Variants in COL14A1 observed in about 807,000 individuals in gnomAD.
The protein encoded by COL14A1 is collagen type XIV alpha 1 chain, also known as collagen alpha-1(XIV) chain.
Under a neutral mutation model 230.3 loss-of-function variants are expected in COL14A1, and 136 were observed. The observed-to-expected ratio is 0.59, with a 90% CI of 0.51 to 0.68. COL14A1 has a LOEUF of 0.68. COL14A1 is among the 30% of genes least tolerant of loss of function. The probability of loss-of-function intolerance (pLI) is 0.00; values close to 1 mark genes in which losing one functional copy is unlikely to be tolerated. For missense variants in COL14A1, 1,976 were observed against 2,215.8 expected (o/e 0.89, Z 2.17); for synonymous variants, 792 against 784.1 (o/e 1.01, Z -0.17).
intron 45 of COL14A1, among the ~76,000 whole-genome samples, chr8:120,362,140 G>A (rs1411484523): frequency 6.6e-6 from 1 of 152,210 alleles, no homozygotes; most frequent in African/African-American, 2.4e-5. Flanking sequence ...GGATGGAGAG[G>A]CAGGGAGTGC....
At chr8:120,307,853 G>C (rs1414271123) in intron 36 of COL14A1, among the ~76,000 whole-genome samples, 1 of 152,148 alleles carries the variant, frequency 6.6e-6, no homozygotes, top group African/African-American at 2.4e-5. Context: ...AGTACAATAT[G>C]ATAATATATC....
intron 34 of COL14A1, among the ~76,000 whole-genome samples, chr8:120,294,344 T>C (rs1445760125): frequency 2.0e-5 from 3 of 151,518 alleles, no homozygotes; most frequent in African/African-American, 7.3e-5. Context: ...TGTCTAACAA[T>C]GAAAAATGAG....
At chr8:120,347,903 C>A (rs1348969092) in intron 45 of COL14A1, among the ~76,000 whole-genome samples, 2 of 151,880 alleles carry the variant, frequency 1.3e-5, no homozygotes, top group African/African-American at 4.8e-5. Flanking sequence ...TAATGAACTA[C>A]AAAAGCAAGA....
rs1192796346 is a variant in COL14A1 at position 120,281,065 on chromosome 8, T to A, written c.3824+6T>A. The A allele has an allele frequency of 7.5e-6, 12 of 1,597,676 alleles. No individual in the cohort carries two copies. The highest frequency in any genetic ancestry group is 6.0e-6 in the Non-Finnish European group (7 of 1,175,246). On this transcript the variant is annotated splice_donor_region_variant and intron_variant, in intron 31 of 47. Coordinates refer to ENST00000297848, the MANE Select transcript of COL14A1 (RefSeq NM_021110.4). ...CTGGTTTCCCAGCCAACCAGGTATG[T>A]TTCTGTTGAAAGATTTTAAAGTCAT...
At chr8:120,361,552 C>T (rs2043091142) in intron 45 of COL14A1, among the ~76,000 whole-genome samples, 1 of 152,210 alleles carries the variant, frequency 6.6e-6, no homozygotes, top group South Asian at 2.1e-4. Context: ...GGCATTCACA[C>T]AAACATTGAG....
intron 47 of COL14A1, chr8:120,370,460 G>T: frequency 6.4e-7 from 1 of 1,554,738 alleles, no homozygotes; most frequent in Non-Finnish European, 8.7e-7. Context: ...CCAAGCCCCT[G>T]CCCCTAACAA....
intron 4 of COL14A1, 105 bp downstream of exon 4, chr8:120,162,674 T>C (rs1815722874): frequency 4.0e-6 from 4 of 1,009,282 alleles, no homozygotes; most frequent in Non-Finnish European, 5.5e-6. Context: ...ATTTTTCAGA[T>C]TTATAGAGAT....
chr8:120,355,704 A>T (rs919845695), intron 45 of COL14A1, among the ~76,000 whole-genome samples: 6 of 152,026 alleles, frequency 3.9e-5, no homozygotes, highest in Non-Finnish European at 7.4e-5. Context: ...TACAGGCATG[A>T]TCCACCGCAC....
intron 19 of COL14A1, among the ~76,000 whole-genome samples, chr8:120,237,248 ATCAAACGCAGATTTGG>A (rs1308034544): frequency 6.6e-6 from 1 of 152,194 alleles, no homozygotes; most frequent in Non-Finnish European, 1.5e-5. Context: ...AGGTATACCA[ATCAAACGCAGATTTGG>A]TCTTTTCACA....
At position 120,225,150 on chromosome 8, in the gene COL14A1, T is replaced by C. The variant is rs1818055618; in HGVS notation, c.1800T>C (p.Thr600=). The C allele has an allele frequency of 1.2e-6, 2 of 1,612,998 alleles. No individual in the cohort carries two copies. Among genetic ancestry groups the C allele is most frequent in the African/African-American group, 1.3e-5 (1 of 75,014 alleles). The change falls in exon 15 of 48, where the codon ACT becomes ACC. Residue 600 remains threonine, a synonymous_variant. Transcript: ENST00000297848. The part of the protein sequence containing the change: ...LKGLTPLTEY[T]IAIFSIYDEG... ...GCTTGACACCTCTCACAGAGTATAC[T>C]ATTGCTATTTTCTCCATCTATGATG...
chr8:120,156,889 C>T (rs1245011572), intron 2 of COL14A1, among the ~76,000 whole-genome samples: 1 of 152,186 alleles, frequency 6.6e-6, no homozygotes, highest in East Asian at 1.9e-4. Flanking sequence ...CATGTTATAC[C>T]CCATGCCTAT....
intron 26 of COL14A1, among the ~76,000 whole-genome samples, chr8:120,274,334 A>G: frequency 6.6e-6 from 1 of 151,908 alleles, no homozygotes; most frequent in East Asian, 1.9e-4. Context: ...CCTCAAAATA[A>G]TAAATGCTAT....
chr8:120,371,143 C>A lies in COL14A1; in HGVS notation c.5312-9C>A. 6.3e-7 allele frequency: 1 copy of A among 1,597,732 alleles called. No homozygotes were observed. Among genetic ancestry groups the A allele is most frequent in the Middle Eastern group, 1.7e-4 (1 of 5,964 alleles). ...GCAGCAAGTCCCCACCCCCACTTTT[C>A]CTCTTTAGCTCCCCATCCAGATCAG... On this transcript the variant is annotated splice_polypyrimidine_tract_variant and intron_variant, in intron 47 of 47. Transcript: ENST00000297848.
intron 40 of COL14A1, 52 bp downstream of exon 40, chr8:120,316,049 G>T: frequency 6.3e-7 from 1 of 1,583,002 alleles, no homozygotes; most frequent in Non-Finnish European, 8.7e-7. Context: ...CTTTTCACCA[G>T]GTCACTCTTA....
chr8:120,166,278 T>G (rs1336529137), intron 4 of COL14A1, among the ~76,000 whole-genome samples: 1 of 152,220 alleles, frequency 6.6e-6, no homozygotes, highest in Non-Finnish European at 1.5e-5. Context: ...CTTTAGGGTA[T>G]GTTGTAGGAC....
chr8:120,249,633 A>G (rs146147412), intron 21 of COL14A1, among the ~76,000 whole-genome samples: 1 of 152,302 alleles, frequency 6.6e-6, no homozygotes, highest in East Asian at 1.9e-4. Context: ...GATTGTTACA[A>G]CTGGTGAGAG....
chr8:120,216,564 C>G, intron 14 of COL14A1, 74 bp downstream of exon 14: 3 of 1,427,148 alleles, frequency 2.1e-6, no homozygotes, highest in Non-Finnish European at 2.9e-6. Context: ...AACCAATCAT[C>G]TCAAAGCCTA....
chr8:120,127,062 C>T (rs1563624070), intron 1 of COL14A1, among the ~76,000 whole-genome samples: 1 of 152,172 alleles, frequency 6.6e-6, no homozygotes, highest in Non-Finnish European at 1.5e-5. Flanking sequence ...CAAAAAGAAA[C>T]CCTGTACCTA....
At chr8:120,127,122 A>T (rs1814369543) in intron 1 of COL14A1, among the ~76,000 whole-genome samples, 2 of 152,112 alleles carry the variant, frequency 1.3e-5, no homozygotes, top group South Asian at 4.1e-4. Flanking sequence ...GTCTGTATGG[A>T]TTTGCCTATT....
Sources: allele counts gnomAD v4.1 joint callset (sites outside exome capture counted in the v4.1 genomes callset), GRCh38; gene constraint gnomAD v4.1.1; transcripts MANE v1.5; gene names NCBI Gene and HGNC (gene_info 2026-07-23, HGNC 2026-07-21).